Variants in SPG11 observed in about 807,000 individuals in gnomAD.
The protein encoded by SPG11 is SPG11 vesicle trafficking associated, spatacsin, also known as spatacsin.
In SPG11, 222 loss-of-function variants were observed where a neutral mutation model predicts 274.0. That is an observed-to-expected ratio of 0.81 (90% CI 0.73 to 0.91). SPG11 has a LOEUF of 0.91. Ranked by LOEUF, SPG11 falls within the 40% of genes least tolerant of loss-of-function variation. The pLI, the probability that SPG11 is intolerant of heterozygous loss-of-function variation, is 0.00. For missense variants in SPG11, 3,114 were observed against 2,872.7 expected, an observed-to-expected ratio of 1.08 and a Z score of -1.92; for synonymous variants, 1,144 against 1,039.7, an observed-to-expected ratio of 1.10 and a Z score of -1.93.
At chr15:44,639,756 T>G (rs2084386625) in intron 7 of SPG11, among the ~76,000 whole-genome samples, 1 of 151,898 alleles carries the variant, frequency 6.6e-6, no homozygotes, top group African/African-American at 2.4e-5. Flanking sequence ...GAAAGAAAAC[T>G]ATATTATTCT....
chr15:44,658,316 G>C (rs1281066420), intron 3 of SPG11, among the ~76,000 whole-genome samples: 5 of 152,056 alleles, frequency 3.3e-5, no homozygotes, highest in Admixed American at 6.6e-5. Context: ...ATGACCAACA[G>C]ATCTACTGGA....
intron 31 of SPG11, among the ~76,000 whole-genome samples, chr15:44,574,597 A>G (rs944392604): frequency 2.0e-5 from 3 of 152,152 alleles, no homozygotes; most frequent in African/African-American, 7.2e-5. Flanking sequence ...AAAACCCAAG[A>G]TATTAAGTCT....
In SPG11 at chr15:44,596,924, T is replaced by C. The variant is rs1250361713; in HGVS notation, c.4021A>G (p.Ser1341Gly). ...AACTGCACCACTAATGCCCATTGGCTGCTAGATTCACTGGATAACCTATAA... is the reference window on the plus strand; with the variant it reads ...AACTGCACCACTAATGCCCATTGGCCGCTAGATTCACTGGATAACCTATAA... ...EIKRLSSESS[S>G]QWALVVQFCR... Residue 1341 changes from serine to glycine, a missense_variant, in exon 24 of 40, where the codon AGC (serine) becomes GGC (glycine). By Grantham distance (56) the Ser-to-Gly change is moderately conservative. Coordinates refer to ENST00000261866, the MANE Select transcript of SPG11 (RefSeq NM_025137.4). 2 of 1,614,008 alleles carry C rather than the reference T, an allele frequency of 1.2e-6. No individual in the cohort carries two copies. Among genetic ancestry groups the C allele is most frequent in the Non-Finnish European group, 1.7e-6 (2 of 1,179,992 alleles).
In SPG11 at chr15:44,573,543, G is replaced by C; in HGVS notation, c.6205+4C>G. 1 of 1,614,170 alleles carries C rather than the reference G, an allele frequency of 6.2e-7. No individual in the cohort carries two copies. Reference sequence around the variant, plus strand: ...AGGTTGGGAATCCCCGGGGGGTAGGGCACCTGTTCCCTGTGATGAAGTAAG... The same window carrying C: ...AGGTTGGGAATCCCCGGGGGGTAGGCCACCTGTTCCCTGTGATGAAGTAAG... On this transcript the variant is annotated splice_donor_region_variant and intron_variant, in intron 32 of 39. Transcript: ENST00000261866.
chr15:44,607,529 A>T (rs1017457381), intron 19 of SPG11, among the ~76,000 whole-genome samples: 2 of 152,190 alleles, frequency 1.3e-5, no homozygotes, highest in Non-Finnish European at 2.9e-5. Flanking sequence ...TTGGCCTCCC[A>T]AAGTGTTGGG....
At chr15:44,641,432 A>G (rs1194390840) in intron 7 of SPG11, among the ~76,000 whole-genome samples, 1 of 152,124 alleles carries the variant, frequency 6.6e-6, no homozygotes, top group Non-Finnish European at 1.5e-5. Flanking sequence ...GACAAGCCAC[A>G]GACTAGAATA....
chr15:44,596,497 C>CT (rs2083042601), intron 24 of SPG11, 142 bp from the exon 25 acceptor site: 2 of 1,030,004 alleles, frequency 1.9e-6, no homozygotes, highest in South Asian at 1.4e-5. Context: ...TTTTACAAAG[C>CT]TGTATGGTGC....
intron 8 of SPG11, among the ~76,000 whole-genome samples, chr15:44,630,884 T>C (rs1289540351): frequency 6.6e-6 from 1 of 152,112 alleles, no homozygotes; most frequent in Non-Finnish European, 1.5e-5. Context: ...AGTCTGAGAA[T>C]GTGTTTTTAA....
At position 44,639,252 on chromosome 15, in the gene SPG11, A is replaced by AACAC. The variant is rs563798792; in HGVS notation, c.1603-5619_1603-5616dup. On this transcript the variant is annotated intron_variant, in intron 7 of 39. Transcript: ENST00000261866. The stretch of plus-strand genomic sequence containing the variant: ...CTTAACCTTACAAAGGGTATCTTAA[A>AACAC]ACACACACACACACACAAAGAGATA... Among the ~76,000 whole-genome samples the AACAC allele has an allele frequency of 3.4e-4, 51 of 148,718 alleles. 1 individual carries two copies. The East Asian group carries it at 5.6e-3, about 16-fold the overall frequency.
intron 28 of SPG11, among the ~76,000 whole-genome samples, chr15:44,588,299 A>T (rs984450371): frequency 6.6e-5 from 10 of 151,804 alleles, no homozygotes; most frequent in Admixed American, 6.6e-4. Context: ...ATCTGCAAAA[A>T]AAAAAACAAA....
intron 32 of SPG11, 51 bp downstream of exon 32, chr15:44,573,496 G>A: frequency 6.3e-7 from 1 of 1,590,214 alleles, no homozygotes; most frequent in South Asian, 1.1e-5. Context: ...TTAACACTGG[G>A]AACTAGAGAA....
chr15:44,655,639 A>G (rs2084918443), intron 4 of SPG11, among the ~76,000 whole-genome samples: 2 of 152,210 alleles, frequency 1.3e-5, no homozygotes, highest in South Asian at 4.1e-4. Context: ...CATATAACAT[A>G]GAAAATATGT....
chr15:44,660,311 AGT>A, intron 2 of SPG11, 119 bp downstream of exon 2: 1 of 802,762 alleles, frequency 1.2e-6, no homozygotes, highest in South Asian at 1.5e-5. Flanking sequence ...CCATCTGCCT[AGT>A]GACTACTATA....
rs150218102 is a variant in SPG11, at chr15:44,585,834, C to T, written c.4923G>A (p.Lys1641=). Residue 1641 remains lysine, a synonymous_variant, in exon 29 of 40, where the codon AAG becomes AAA. Transcript: ENST00000261866. The part of the protein sequence containing the change: ...HLFSDGPDVK[K]LCILCQILKD... ...TCAAAATCTGGCAAAGGATGCAAAG[C>T]TTTTTCACATCTGGACCTGTGCCAA... 2 of 1,613,908 alleles carry T rather than the reference C, an allele frequency of 1.2e-6. No individual in the cohort carries two copies. The highest frequency in any genetic ancestry group is 2.7e-5 in the African/African-American group (2 of 74,946).
chr15:44,570,507 G>T lies in SPG11; in HGVS notation c.6477+18C>A, dbSNP rs770736243. The T allele has an allele frequency of 6.2e-7, 1 of 1,613,888 alleles. No individual in the cohort carries two copies. Among genetic ancestry groups the T allele is most frequent in the Non-Finnish European group, 8.5e-7 (1 of 1,179,966 alleles). On this transcript the variant is annotated intron_variant, in intron 34 of 39. Transcript: ENST00000261866. ...AGGTTTCCACAGGATGGAGACTGGG[G>T]TTGAGGGGGCTACTTACCACCAGCC...
chr15:44,564,784 TACTC>T (rs771791009), intron 38 of SPG11, 86 bp from the exon 39 acceptor site: 1 of 1,397,506 alleles, frequency 7.2e-7, no homozygotes. Context: ...CAATACTGTA[TACTC>T]ACTCATGTAG....
chr15:44,634,443 T>C (rs1377857297), intron 7 of SPG11, among the ~76,000 whole-genome samples: 3 of 144,568 alleles, frequency 2.1e-5, no homozygotes, highest in Non-Finnish European at 4.5e-5. Context: ...CCCAGCTGAT[T>C]TTTTTTTTTT....
At position 44,621,953 on chromosome 15, in the gene SPG11, ATTTT is replaced by A; in HGVS notation, c.2445-23_2445-20del. 1 of 1,210,806 alleles carries A rather than the reference ATTTT, an allele frequency of 8.3e-7. No homozygotes were observed. Among genetic ancestry groups the A allele is most frequent in the Non-Finnish European group, 1.1e-6 (1 of 879,734 alleles). The allele number at this position is 1,210,806 out of a possible 1,614,324, so 75.0% of individuals were successfully genotyped here. On this transcript the variant is annotated intron_variant, in intron 13 of 39. Coordinates refer to ENST00000261866, the MANE Select transcript of SPG11 (RefSeq NM_025137.4). ...CCAGTACCTAAAAACAGTGATATAA[ATTTT>A]TTTTTTTTTAATTTTGGAGAAAAAG...
rs377499551 is a variant in SPG11 at position 44,651,510 on chromosome 15, C to A, written c.1437G>T (p.Gln479His). ...CIPVDSSGDQ[Q>H]LCFVLTENGL... ...TCTCACCTGTCAAAACAAAGCACAGCTGCTGGTCTCCACTACTGTCTACAG... is the reference window on the plus strand; with the variant it reads ...TCTCACCTGTCAAAACAAAGCACAGATGCTGGTCTCCACTACTGTCTACAG... Residue 479 changes from glutamine (Q) to histidine (H), a missense_variant, in exon 6 of 40, where the codon CAG (glutamine) becomes CAT (histidine). Coordinates refer to ENST00000261866, the MANE Select transcript of SPG11 (RefSeq NM_025137.4). 4.3e-6 allele frequency: 7 copies of A among 1,614,026 alleles called. No homozygotes were observed. In the African/African-American group the frequency reaches 9.3e-5, roughly 22 times the overall value.
Sources: gnomAD v4.1 joint callset for allele counts (sites outside exome capture counted in the v4.1 genomes callset) on GRCh38, gnomAD v4.1.1 for gene constraint, MANE v1.5 for transcripts, NCBI Gene and HGNC (gene_info 2026-07-23, HGNC 2026-07-21) for gene names.